Variants in RUNX2 observed in about 807,000 individuals in gnomAD.
RUNX2 encodes RUNX family transcription factor 2.
RUNX2 carries 10 observed loss-of-function variants against 51.7 expected under a neutral mutation model. The ratio of observed to expected loss-of-function variants is 0.19; its 90% CI spans 0.12 to 0.33. RUNX2 has a LOEUF of 0.33. Among genes scored for constraint, RUNX2 ranks in the 10% least tolerant of loss-of-function variants. The probability of loss-of-function intolerance (pLI) is 1.00; values close to 1 mark genes in which losing one functional copy is unlikely to be tolerated. For synonymous variants in RUNX2, 276 were observed against 273.6 expected, an observed-to-expected ratio of 1.01 and a Z score of -0.09; for missense variants, 562 against 691.3, an observed-to-expected ratio of 0.81 and a Z score of 2.10.
chr6:45,447,244 C>A (rs1799029233), intron 5 of RUNX2, among the ~76,000 whole-genome samples: 1 of 152,174 alleles, frequency 6.6e-6, no homozygotes, highest in African/African-American at 2.4e-5. Flanking sequence ...CCAGTGGTTG[C>A]CAACTTCAGG....
intron 6 of RUNX2, among the ~76,000 whole-genome samples, chr6:45,505,974 G>A (rs547581928): frequency 2.0e-5 from 3 of 152,208 alleles, no homozygotes; most frequent in East Asian, 3.9e-4. Flanking sequence ...TCCTTTTTAC[G>A]GCTTTCAGTG....
intron 2 of RUNX2, among the ~76,000 whole-genome samples, chr6:45,381,408 C>A (rs928036202): frequency 6.6e-6 from 1 of 152,066 alleles, no homozygotes; most frequent in Non-Finnish European, 1.5e-5. Context: ...ACAAAAATTA[C>A]AAAAGTATTC....
intron 6 of RUNX2, among the ~76,000 whole-genome samples, chr6:45,495,395 GGGCAGC>G (rs1408663121): frequency 2.6e-5 from 4 of 152,156 alleles, no homozygotes; most frequent in African/African-American, 9.7e-5. Context: ...CCCTAGTGAT[GGGCAGC>G]AGCTTAAATC....
chr6:45,505,854 G>A (rs189040933), intron 6 of RUNX2, among the ~76,000 whole-genome samples: 1 of 152,194 alleles, frequency 6.6e-6, no homozygotes, highest in Non-Finnish European at 1.5e-5. Context: ...GGTGCTCCAT[G>A]GTTCCTTTCC....
intron 6 of RUNX2, among the ~76,000 whole-genome samples, chr6:45,504,791 T>A (rs1243104470): frequency 6.6e-6 from 1 of 152,170 alleles, no homozygotes; most frequent in Non-Finnish European, 1.5e-5. Flanking sequence ...TTAAGAGGCA[T>A]AGTTCTAAGC....
chr6:45,529,710 A>G (rs1801783426), intron 7 of RUNX2, among the ~76,000 whole-genome samples: 1 of 152,212 alleles, frequency 6.6e-6, no homozygotes, highest in Non-Finnish European at 1.5e-5. Flanking sequence ...GAAGCAGCAG[A>G]TAACAGATAA....
rs1198679330 is a variant in RUNX2 at position 45,422,745 on chromosome 6, CAGGA to C, written c.212_215del (p.Gln71ArgfsTer72). ...GCAGCAGCAACAGCAGCAGCAGCAG[CAGGA>C]GGCGGCGGCGGCGGCTGCGGCGGCG... On this transcript the variant is annotated frameshift_variant, in exon 3 of 9. Transcript: ENST00000647337. LOFTEE classifies it high-confidence loss of function. 2 of 1,538,856 alleles carry C rather than the reference CAGGA, an allele frequency of 1.3e-6. No homozygotes were observed. The highest frequency in any genetic ancestry group is 2.9e-5 in the African/African-American group (2 of 70,072).
At chr6:45,353,996 C>A (rs1792611712) in intron 2 of RUNX2, among the ~76,000 whole-genome samples, 1 of 151,946 alleles carries the variant, frequency 6.6e-6, no homozygotes, top group Non-Finnish European at 1.5e-5. Context: ...TTTTCAAGCT[C>A]AGTTGTCAAA....
intron 2 of RUNX2, among the ~76,000 whole-genome samples, chr6:45,363,225 A>G (rs1177966007): frequency 6.6e-6 from 1 of 152,214 alleles, no homozygotes; most frequent in Non-Finnish European, 1.5e-5. Flanking sequence ...GGTATGGTAC[A>G]GTAAAAAATT....
At chr6:45,428,405 C>A (rs1421680777) in intron 3 of RUNX2, among the ~76,000 whole-genome samples, 1 of 152,122 alleles carries the variant, frequency 6.6e-6, no homozygotes, top group East Asian at 1.9e-4. Context: ...AACTCCCAAC[C>A]TTTTCTCCCC....
At position 45,475,690 on chromosome 6, in the gene RUNX2, G is replaced by A. The variant is rs1046929297; in HGVS notation, c.686-16251G>A. Reference sequence around the variant, plus strand: ...AGCTGTACCACTACAATATGATAACGTTTTGCACATTCTAGATATTCAACT... The same window carrying A: ...AGCTGTACCACTACAATATGATAACATTTTGCACATTCTAGATATTCAACT... On this transcript the variant is annotated intron_variant, in intron 5 of 8. Coordinates refer to ENST00000647337, the MANE Select transcript of RUNX2 (RefSeq NM_001024630.4). Among the ~76,000 whole-genome samples, 5 of 152,056 alleles carry A rather than the reference G, an allele frequency of 3.3e-5. No individual in the cohort carries two copies. In the East Asian group the frequency reaches 7.7e-4, roughly 23 times the overall value.
At chr6:45,419,969 A>T (rs1798144375) in intron 2 of RUNX2, among the ~76,000 whole-genome samples, 3 of 151,882 alleles carry the variant, frequency 2.0e-5, no homozygotes, top group Admixed American at 6.6e-5. Context: ...TTTGGGGAAG[A>T]GGCAGGAACG....
chr6:45,467,169 G>C (rs1582142057), intron 5 of RUNX2, among the ~76,000 whole-genome samples: 1 of 152,186 alleles, frequency 6.6e-6, no homozygotes, highest in Non-Finnish European at 1.5e-5. Context: ...GTATAATCCT[G>C]TTGGTGACCC....
At chr6:45,365,173 T>C (rs1422454072) in intron 2 of RUNX2, 3 of 1,319,316 alleles carry the variant, frequency 2.3e-6, no homozygotes, top group Admixed American at 1.9e-5. Context: ...AAAATAGTAA[T>C]AGCAATAGCA....
chr6:45,395,209 A>C (rs2150348948), intron 2 of RUNX2, among the ~76,000 whole-genome samples: 1 of 152,268 alleles, frequency 6.6e-6, no homozygotes, highest in East Asian at 1.9e-4. Context: ...GTTGGTTTTC[A>C]GTTTGTTCAG....
chr6:45,361,919 C>T (rs1852985), intron 2 of RUNX2, among the ~76,000 whole-genome samples: 23,709 of 152,102 alleles, frequency 0.16, 2,071 homozygotes, highest in East Asian at 0.26. Context: ...GGCGTGGTAG[C>T]GCATGCCTGT....
At chr6:45,400,181 G>GGCAT (rs1797681189) in intron 2 of RUNX2, among the ~76,000 whole-genome samples, 1 of 122,808 alleles carries the variant, frequency 8.1e-6, no homozygotes, top group Non-Finnish European at 1.9e-5. Context: ...GAAAGAAGGA[G>GGCAT]GGAATGAGGG....
chr6:45,426,120 C>T (rs1418526093), intron 3 of RUNX2, among the ~76,000 whole-genome samples: 2 of 151,934 alleles, frequency 1.3e-5, no homozygotes, highest in African/African-American at 4.8e-5. Context: ...ACTCTTGTTT[C>T]GAGATGATAT....
At chr6:45,530,859 G>A (rs899057876) in intron 7 of RUNX2, among the ~76,000 whole-genome samples, 2 of 152,146 alleles carry the variant, frequency 1.3e-5, no homozygotes, top group African/African-American at 2.4e-5. Flanking sequence ...TAAGTGCAGG[G>A]GAAGATGGGA....
Sources: gnomAD v4.1 joint callset for allele counts (sites outside exome capture counted in the v4.1 genomes callset) on GRCh38, gnomAD v4.1.1 for gene constraint, MANE v1.5 for transcripts, NCBI Gene and HGNC (gene_info 2026-07-23, HGNC 2026-07-21) for gene names.